Variants in XRN2 observed in about 807,000 individuals in gnomAD.
The protein encoded by XRN2 is 5'-3' exoribonuclease 2, also known as DHM1-like protein.
A neutral mutation model predicts 138.5 loss-of-function variants in XRN2; 44 were observed. The observed-to-expected ratio is 0.32, with a 90% CI of 0.25 to 0.41. The LOEUF is 0.41. Ranked by LOEUF, XRN2 falls within the 10% of genes least tolerant of loss-of-function variation. The probability of loss-of-function intolerance (pLI) is 1.00; values close to 1 mark genes in which losing one functional copy is unlikely to be tolerated. For missense variants in XRN2, 937 were observed against 1,169.3 expected, an observed-to-expected ratio of 0.80 and a Z score of 2.90; for synonymous variants, 354 against 369.4, an observed-to-expected ratio of 0.96 and a Z score of 0.48.
At chr20:21,357,270 C>G (rs186657178) in intron 23 of XRN2, among the ~76,000 whole-genome samples, 6 of 152,220 alleles carry the variant, frequency 3.9e-5, no homozygotes, top group Admixed American at 3.9e-4. Context: ...AGTTTGTGAA[C>G]CACATGTCAA....
chr20:21,350,280 A>G (rs548650046), intron 20 of XRN2, among the ~76,000 whole-genome samples: 5 of 152,120 alleles, frequency 3.3e-5, no homozygotes, highest in African/African-American at 9.7e-5. Flanking sequence ...TAATCCCAGC[A>G]ATTTGGGAGG....
At chr20:21,339,001 T>C (rs1339588192) in intron 13 of XRN2, 43 bp from the exon 14 acceptor site, 1 of 1,564,780 alleles carries the variant, frequency 6.4e-7, no homozygotes, top group East Asian at 2.3e-5. Flanking sequence ...TCTGACATTT[T>C]TGTGTAATTA....
At chr20:21,316,040 G>T (rs1470147223) in intron 1 of XRN2, among the ~76,000 whole-genome samples, 1 of 152,126 alleles carries the variant, frequency 6.6e-6, no homozygotes, top group East Asian at 1.9e-4. Context: ...ATCACTTGAG[G>T]ACAGGAGTTT....
chr20:21,323,645 T>C (rs1287076673), intron 1 of XRN2, among the ~76,000 whole-genome samples: 1 of 152,222 alleles, frequency 6.6e-6, no homozygotes, highest in Non-Finnish European at 1.5e-5. Context: ...GTTTTCTTAC[T>C]GGGAATACCT....
intron 27 of XRN2, among the ~76,000 whole-genome samples, chr20:21,370,717 A>T (rs967490905): frequency 6.6e-6 from 1 of 152,260 alleles, no homozygotes; most frequent in African/African-American, 2.4e-5. Context: ...AAAAATAATT[A>T]ACATGGCATT....
intron 17 of XRN2, 49 bp downstream of exon 17, chr20:21,346,599 A>C: frequency 1.3e-6 from 2 of 1,580,024 alleles, no homozygotes; most frequent in Non-Finnish European, 1.7e-6. Flanking sequence ...CATTTAAGAA[A>C]AATAGTAATT....
intron 6 of XRN2, 124 bp from the exon 7 acceptor site, chr20:21,331,437 A>C (rs900114761): frequency 1.6e-4 from 106 of 680,318 alleles, no homozygotes; most frequent in Admixed American, 3.3e-4. Flanking sequence ...ACACACACAC[A>C]CCCTTATTCA....
At chr20:21,303,730 C>T (rs2037772779) in intron 1 of XRN2, 1 of 1,231,390 alleles carries the variant, frequency 8.1e-7, no homozygotes, top group South Asian at 2.9e-5. Flanking sequence ...GTCGCTCCTC[C>T]CCTACTCGCT....
intron 21 of XRN2, 139 bp from the exon 22 acceptor site, chr20:21,355,941 C>A (rs1332060101): frequency 3.9e-6 from 2 of 512,142 alleles, no homozygotes; most frequent in Non-Finnish European, 6.8e-6. Context: ...TCTAACCTAT[C>A]ACTTTAAAAT....
At chr20:21,333,680 G>A in intron 10 of XRN2, 24 bp from the exon 11 acceptor site, 3 of 1,614,016 alleles carry the variant, frequency 1.9e-6, no homozygotes, top group African/African-American at 2.7e-5. Context: ...TAGCTGTAAT[G>A]GCAGCATTCC....
At chr20:21,364,812 A>G (rs2038675972) in intron 24 of XRN2, among the ~76,000 whole-genome samples, 1 of 152,080 alleles carries the variant, frequency 6.6e-6, no homozygotes, top group African/African-American at 2.4e-5. Context: ...CTCAAAAAAA[A>G]AAAAAAAAGC....
At chr20:21,385,159 T>C (rs1018228826) in intron 28 of XRN2, among the ~76,000 whole-genome samples, 2 of 152,226 alleles carry the variant, frequency 1.3e-5, no homozygotes, top group Admixed American at 6.5e-5. Context: ...ATTGCATTTA[T>C]AATGTATATT....
chr20:21,325,869 T>G (rs1405321072), intron 1 of XRN2, among the ~76,000 whole-genome samples: 1 of 152,152 alleles, frequency 6.6e-6, no homozygotes, highest in East Asian at 1.9e-4. Context: ...TTGTGCTCTT[T>G]TAGGTTAGAG....
chr20:21,306,435 A>G (rs2037815432), intron 1 of XRN2, among the ~76,000 whole-genome samples: 1 of 74,740 alleles, frequency 1.3e-5, no homozygotes, highest in African/African-American at 3.6e-5. Context: ...GCACCTGGCC[A>G]GGAATTCCAG....
At chr20:21,372,409 A>T (rs2038773528) in intron 27 of XRN2, among the ~76,000 whole-genome samples, 1 of 152,212 alleles carries the variant, frequency 6.6e-6, no homozygotes, top group Non-Finnish European at 1.5e-5. Flanking sequence ...GTACAAAATT[A>T]GACTGGGAGC....
Position 21,332,493 on chromosome 20 carries a change from T to C in XRN2, c.858+53T>C. 2.0e-6 allele frequency: 3 copies of C among 1,481,430 alleles called. No individual in the cohort carries two copies. The South Asian group carries it at 4.0e-5, about 20-fold the overall frequency. The allele number at this position is 1,481,430 out of a possible 1,614,324, so 91.8% of individuals were successfully genotyped here. A position where few individuals can be genotyped will look rare whatever the true frequency, so the allele number is the denominator to read the frequency against. The stretch of plus-strand genomic sequence containing the variant: ...CATTAAAAAAAAAAATCTATTGTGG[T>C]AAAATGTATATGACATAAAATATCA... On this transcript the variant is annotated intron_variant, in intron 9 of 29. Coordinates refer to ENST00000377191, the MANE Select transcript of XRN2 (RefSeq NM_012255.5).
intron 1 of XRN2, among the ~76,000 whole-genome samples, chr20:21,317,263 C>G (rs1292296920): frequency 6.6e-6 from 1 of 151,074 alleles, no homozygotes; most frequent in Non-Finnish European, 1.5e-5. Context: ...TGCAGATGCC[C>G]TTTATGTTGA....
intron 1 of XRN2, among the ~76,000 whole-genome samples, chr20:21,320,400 C>T (rs749410126): frequency 6.0e-5 from 9 of 151,074 alleles, no homozygotes; most frequent in South Asian, 4.2e-4. Context: ...CCCGGGTTCA[C>T]GCCATTCTCC....
chr20:21,321,301 CTGTGTGTG>C (rs61188840), intron 1 of XRN2, among the ~76,000 whole-genome samples: 5,160 of 121,326 alleles, frequency 0.043, 133 homozygotes, highest in Middle Eastern at 0.076. Context: ...CTGTGCCTGG[CTGTGTGTG>C]TGTGTGTGTG....
Sources: allele counts gnomAD v4.1 joint callset (sites outside exome capture counted in the v4.1 genomes callset), GRCh38; gene constraint gnomAD v4.1.1; transcripts MANE v1.5; gene names NCBI Gene and HGNC (gene_info 2026-07-23, HGNC 2026-07-21).